NIBAN2: variants seen among roughly 807,000 people sequenced by gnomAD.
NIBAN2 encodes the protein protein Niban 2.
Under a neutral mutation model 81.8 loss-of-function variants are expected in NIBAN2, and 36 were observed. The observed-to-expected ratio is 0.44, with a 90% CI of 0.34 to 0.58. The LOEUF (loss-of-function observed/expected upper bound fraction) is 0.58. NIBAN2 is among the 20% of genes least tolerant of loss of function. The pLI, the probability that NIBAN2 is intolerant of heterozygous loss-of-function variation, is 0.02. For missense variants in NIBAN2, 897 were observed against 1,014.1 expected (o/e 0.88, Z 1.57); for synonymous variants, 445 against 441.6 (o/e 1.01, Z -0.10).
At position 127,512,255 on chromosome 9, in the gene NIBAN2, C is replaced by T. The variant is rs78245800; in HGVS notation, c.974-1922G>A. Among the ~76,000 whole-genome samples, 337 of 152,042 alleles carry T rather than the reference C, an allele frequency of 2.2e-3. 3 individuals carry two copies. The East Asian group carries it at 0.043, about 19-fold the overall frequency. ...GTCCTGCTTTTCCTTCAAGTTCTCC[C>T]GCCTTTCCGGACTGAACCATGTTCA... On this transcript the variant is annotated intron_variant, in intron 8 of 13. Transcript: ENST00000373312.
intron 1 of NIBAN2, among the ~76,000 whole-genome samples, chr9:127,578,427 C>T (rs919570436): frequency 6.7e-6 from 1 of 149,776 alleles, no homozygotes; most frequent in African/African-American, 2.5e-5. Context: ...TTTAGGAGAC[C>T]GAGGCAGGTG....
At chr9:127,520,210 T>C (rs1337313954) in intron 5 of NIBAN2, among the ~76,000 whole-genome samples, 1 of 148,460 alleles carries the variant, frequency 6.7e-6, no homozygotes, top group East Asian at 2.0e-4. Flanking sequence ...CAGAACGTGA[T>C]TATATTTGGA....
chr9:127,516,947 G>C lies in NIBAN2; in HGVS notation c.883C>G (p.Gln295Glu), dbSNP rs752599208. The change falls in exon 8 of 14, where the codon CAG (glutamine) becomes GAG (glutamate). Residue 295 changes from glutamine (Q) to glutamate (E), a missense_variant. Gln to Glu is a conservative substitution (Grantham distance 29). Coordinates refer to ENST00000373312, the MANE Select transcript of NIBAN2 (RefSeq NM_022833.4). ...GCCTGCATGGCCGGCTGCACCTGCT[G>C]CACCTTGGACAGCACCTCCTCGAAG... ...ARFEEVLSKV[Q>E]QVQPAMQAVI... The C allele has an allele frequency of 3.3e-5, 54 of 1,614,048 alleles. No individual in the cohort carries two copies. Among genetic ancestry groups the C allele is most frequent in the Non-Finnish European group, 4.4e-5 (52 of 1,180,034 alleles).
At chr9:127,550,460 A>G (rs1393796590) in intron 1 of NIBAN2, among the ~76,000 whole-genome samples, 1 of 152,222 alleles carries the variant, frequency 6.6e-6, no homozygotes, top group Non-Finnish European at 1.5e-5. Context: ...TCATTGTTCC[A>G]TCTCCATTTG....
intron 1 of NIBAN2, among the ~76,000 whole-genome samples, chr9:127,552,812 C>T (rs1412060190): frequency 6.6e-6 from 1 of 151,086 alleles, no homozygotes; most frequent in Admixed American, 6.6e-5. Flanking sequence ...CATCAGCCTC[C>T]CAAGTAGCTG....
intron 9 of NIBAN2, 117 bp downstream of exon 9, chr9:127,510,029 G>A (rs992473434): frequency 2.6e-5 from 25 of 979,908 alleles, no homozygotes; most frequent in Admixed American, 1.0e-4. Context: ...GCCCCTCCCC[G>A]TCTACAGGGA....
At position 127,554,827 on chromosome 9, in the gene NIBAN2, C is replaced by T. The variant is rs377004385; in HGVS notation, c.55+13993G>A. Among the ~76,000 whole-genome samples, 33 of 152,064 alleles carry T rather than the reference C, an allele frequency of 2.2e-4. No homozygotes were observed. The East Asian group carries it at 6.4e-3, about 29-fold the overall frequency. On this transcript the variant is annotated intron_variant, in intron 1 of 13. Transcript: ENST00000373312. The stretch of plus-strand genomic sequence containing the variant: ...CAGGTGATCTGCCCACCTCAGCCTC[C>T]CAAAGTGCTGGGATTACAGGCGTGA...
chr9:127,570,510 T>C (rs1333401846), upstream of NIBAN2, among the ~76,000 whole-genome samples: 3 of 152,178 alleles, frequency 2.0e-5, no homozygotes, highest in Non-Finnish European at 4.4e-5. Flanking sequence ...GGTTAAATGA[T>C]ATCACAAAGT....
Position 127,568,896 on chromosome 9 carries a change from G to T in NIBAN2, c.-22C>A, listed in dbSNP as rs1344285480. On this transcript the variant is annotated 5_prime_UTR_variant, in exon 1 of 14. Coordinates refer to ENST00000373312, the MANE Select transcript of NIBAN2 (RefSeq NM_022833.4). ...CCATGGCCAGGAGGTGTCGCGGCCC[G>T]ATCCGGCCGACGCCGCCGCTGTTGC... The T allele has an allele frequency of 1.6e-6, 2 of 1,278,120 alleles. No individual in the cohort carries two copies. Among genetic ancestry groups the T allele is most frequent in the Non-Finnish European group, 2.0e-6 (2 of 1,012,124 alleles). 79.2% of individuals were successfully genotyped at this position (1,278,120 alleles called of 1,614,324 possible).
upstream of NIBAN2, among the ~76,000 whole-genome samples, chr9:127,572,228 G>T (rs1448253713): frequency 4.6e-5 from 7 of 151,998 alleles, no homozygotes; most frequent in Non-Finnish European, 1.0e-4. Flanking sequence ...TGCCCAGGCT[G>T]GTCTCCAACT....
intron 1 of NIBAN2, among the ~76,000 whole-genome samples, chr9:127,538,781 C>T (rs1262919616): frequency 6.6e-6 from 1 of 151,104 alleles, no homozygotes; most frequent in African/African-American, 2.4e-5. Context: ...CCCATCTCTA[C>T]CAAAAATACA....
At chr9:127,530,201 G>A (rs1411689592) in intron 2 of NIBAN2, among the ~76,000 whole-genome samples, 1 of 152,232 alleles carries the variant, frequency 6.6e-6, no homozygotes, top group Non-Finnish European at 1.5e-5. Flanking sequence ...CTGACGCTCT[G>A]CTGCCACAGG....
intron 1 of NIBAN2, among the ~76,000 whole-genome samples, chr9:127,568,353 G>T (rs1232736039): frequency 6.6e-6 from 1 of 152,192 alleles, no homozygotes; most frequent in Admixed American, 6.5e-5. Context: ...CCTCCGCCAC[G>T]TGTACCAGGG....
chr9:127,554,520 A>ATAGGGTTATTCT (rs1318657515), intron 1 of NIBAN2, among the ~76,000 whole-genome samples: 14 of 149,336 alleles, frequency 9.4e-5, no homozygotes, highest in Non-Finnish European at 1.8e-4. Flanking sequence ...AATACAGTCA[A>ATAGGGTTATTCT]TAGGGTTATT....
At chr9:127,525,323 G>A (rs993607667) in intron 3 of NIBAN2, among the ~76,000 whole-genome samples, 160 bp from the exon 4 acceptor site, 3 of 152,144 alleles carry the variant, frequency 2.0e-5, no homozygotes, top group African/African-American at 7.2e-5. Flanking sequence ...CACTATCATG[G>A]TGATTGGGGC....
At chr9:127,577,256 C>T (rs896029584) in intron 1 of NIBAN2, among the ~76,000 whole-genome samples, 2 of 151,936 alleles carry the variant, frequency 1.3e-5, no homozygotes, top group African/African-American at 2.4e-5. Context: ...TGCAGTGAGC[C>T]GAGATTGCGC....
chr9:127,525,271 G>A (rs1309684142), intron 3 of NIBAN2, 108 bp from the exon 4 acceptor site: 11 of 681,922 alleles, frequency 1.6e-5, no homozygotes, highest in Non-Finnish European at 2.7e-5. Flanking sequence ...GGAGGAGAAG[G>A]GAAAGGAAGA....
chr9:127,575,339 T>C (rs2132248931), intron 1 of NIBAN2, among the ~76,000 whole-genome samples: 1 of 150,522 alleles, frequency 6.6e-6, no homozygotes, highest in South Asian at 2.1e-4. Flanking sequence ...AGCAATTCTC[T>C]GCCTCAGACT....
upstream of NIBAN2, among the ~76,000 whole-genome samples, chr9:127,573,506 C>G (rs181060562): frequency 4.5e-4 from 68 of 149,538 alleles, no homozygotes; most frequent in African/African-American, 1.7e-3. Flanking sequence ...ATGAAGGATT[C>G]CAGGAAGTTT....
Sources: allele counts gnomAD v4.1 joint callset (sites outside exome capture counted in the v4.1 genomes callset), GRCh38; gene constraint gnomAD v4.1.1; transcripts MANE v1.5; gene names NCBI Gene and HGNC (gene_info 2026-07-23, HGNC 2026-07-21).